The following PRKDC variants were observed in gnomAD, a reference collection of about 807,000 sequenced individuals.
The protein encoded by PRKDC is DNA-dependent protein kinase catalytic subunit.
In PRKDC, 82 loss-of-function variants were observed where a neutral mutation model predicts 486.9. That is an observed-to-expected ratio of 0.17 (90% CI 0.14 to 0.20). The LOEUF is 0.20. PRKDC is among the 10% of genes least tolerant of loss of function. The probability of loss-of-function intolerance (pLI) is 1.00; values close to 1 mark genes in which losing one functional copy is unlikely to be tolerated. For missense variants in PRKDC, 4,504 were observed against 5,038.2 expected (o/e 0.89, Z 3.21); for synonymous variants, 1,895 against 1,837.0 (o/e 1.03, Z -0.81).
chr8:47,807,290 G>A lies in PRKDC; in HGVS notation c.9594C>T (p.Thr3198=). The A allele has an allele frequency of 6.3e-7, 1 of 1,599,238 alleles. No homozygotes were observed. Among genetic ancestry groups the A allele is most frequent in the Non-Finnish European group, 8.5e-7 (1 of 1,171,638 alleles). Reference sequence around the variant, plus strand: ...TCATACTATTATCTTCTGGAAGAGGGGTAAGCTTCTCCTCTATTTTGCTGA... The same window carrying A: ...TCATACTATTATCTTCTGGAAGAGGAGTAAGCTTCTCCTCTATTTTGCTGA... ...FFLSKIEEKL[T]PLPEDNSMNV... Residue 3198 remains threonine, a synonymous_variant, in exon 69 of 86, where the codon ACC becomes ACT. Coordinates refer to ENST00000314191, the MANE Select transcript of PRKDC (RefSeq NM_006904.7).
In PRKDC at chr8:47,907,102, G is replaced by A. The variant is rs549294059; in HGVS notation, c.2935-2126C>T. Among the ~76,000 whole-genome samples the A allele has an allele frequency of 3.2e-4, 49 of 150,836 alleles. No individual in the cohort carries two copies. The South Asian group carries it at 9.6e-3, about 30-fold the overall frequency. On this transcript the variant is annotated intron_variant, in intron 25 of 85. Transcript: ENST00000314191. ...CGCCCAGGCTGGAGTGCAGTGGCGC[G>A]CAGTCTCTGCTCACTGCAAGCTCCG...
At chr8:47,861,114 C>A in intron 44 of PRKDC, 143 bp from the exon 45 acceptor site, 1 of 616,038 alleles carries the variant, frequency 1.6e-6, no homozygotes. Flanking sequence ...AAAATAACCT[C>A]AAAAAGAGAC....
chr8:47,931,842 C>T (rs1351282885), intron 16 of PRKDC, among the ~76,000 whole-genome samples: 1 of 152,184 alleles, frequency 6.6e-6, no homozygotes, highest in Non-Finnish European at 1.5e-5. Context: ...GTCCAGTTAC[C>T]ACCAATGCCT....
chr8:47,793,412 C>CT (rs1269394715), intron 74 of PRKDC, among the ~76,000 whole-genome samples: 10 of 151,848 alleles, frequency 6.6e-5, no homozygotes, highest in African/African-American at 2.4e-4. Context: ...GGCGGATCAC[C>CT]TGAGGTCACC....
intron 74 of PRKDC, among the ~76,000 whole-genome samples, chr8:47,793,446 C>T (rs937286388): frequency 6.6e-6 from 1 of 151,626 alleles, no homozygotes; most frequent in South Asian, 2.1e-4. Context: ...TCGAGACCAG[C>T]CTGGCCAAGG....
At chr8:47,950,142 C>CA (rs1396648393) in intron 7 of PRKDC, among the ~76,000 whole-genome samples, 1 of 151,964 alleles carries the variant, frequency 6.6e-6, no homozygotes, top group Non-Finnish European at 1.5e-5. Context: ...CATGGTGGCA[C>CA]ACGCCTGTAA....
rs970459273 is a variant in PRKDC at position 47,959,955 on chromosome 8, G to C, written c.154+18C>G. ...GAAGCCAGGACCCACCCGCGGCCCA[G>C]CTCGGGCCGGTACCCACCCAGCACC... On this transcript the variant is annotated intron_variant, in intron 1 of 85. Transcript: ENST00000314191. The C allele has an allele frequency of 2.3e-5, 34 of 1,484,312 alleles. No homozygotes were observed. The highest frequency in any genetic ancestry group is 4.1e-5 in the Admixed American group (2 of 49,348). 91.9% of individuals were successfully genotyped at this position (1,484,312 alleles called of 1,614,324 possible).
Position 47,888,614 on chromosome 8 carries a change from A to C in PRKDC, c.4317T>G (p.Pro1439=). 5 of 1,593,618 alleles carry C rather than the reference A, an allele frequency of 3.1e-6. No homozygotes were observed. The highest frequency in any genetic ancestry group is 4.3e-6 in the Non-Finnish European group (5 of 1,170,340). ...GCCTGCTCCTGTCCACTTGCGCGTC[A>C]GGGCCATACAAGTTGACGGCACAAA... The part of the protein sequence containing the change: ...EELCAVNLYG[P]DAQVDRSRLA... Residue 1439 remains proline (P), a synonymous_variant, in exon 34 of 86, where the codon CCT becomes CCG. Transcript: ENST00000314191.
chr8:47,910,035 T>C (rs761681157), intron 25 of PRKDC, among the ~76,000 whole-genome samples: 2 of 152,160 alleles, frequency 1.3e-5, no homozygotes, highest in Non-Finnish European at 2.9e-5. Flanking sequence ...TCTTTTAAAA[T>C]CCCTAATAAA....
chr8:47,793,029 G>A (rs986643354), intron 74 of PRKDC, among the ~76,000 whole-genome samples: 2 of 152,056 alleles, frequency 1.3e-5, no homozygotes, highest in Admixed American at 6.6e-5. Context: ...GTACAGTCAC[G>A]CACCACCATG....
chr8:47,831,513 G>C (rs551989175), intron 60 of PRKDC, among the ~76,000 whole-genome samples: 2 of 152,130 alleles, frequency 1.3e-5, no homozygotes, highest in African/African-American at 2.4e-5. Context: ...TCCCTGAAGC[G>C]AGGGCCAGTG....
At chr8:47,788,832 T>C (rs749017199) in intron 76 of PRKDC, 74 bp downstream of exon 76, 54 of 1,310,118 alleles carry the variant, frequency 4.1e-5, no homozygotes, top group Non-Finnish European at 5.0e-5. Flanking sequence ...ACAAATATTA[T>C]TACATTTAAT....
chr8:47,889,058 T>C lies in PRKDC; in HGVS notation c.4236A>G (p.Lys1412=), dbSNP rs747203398. Residue 1412 remains lysine, a synonymous_variant, in exon 33 of 86, where the codon AAA becomes AAG. Coordinates refer to ENST00000314191, the MANE Select transcript of PRKDC (RefSeq NM_006904.7). ...LMKALKMSPY[K]DILETHLREK... is the part of the protein sequence containing the mutation. The stretch of plus-strand genomic sequence containing the variant: ...CTCTCAGATGGGTCTCTAGGATATC[T>C]TTGTATGGGGACATCTTTAGAGCTT... 12 of 1,613,866 alleles carry C rather than the reference T, an allele frequency of 7.4e-6. No individual in the cohort carries two copies. The highest frequency in any genetic ancestry group is 1.3e-5 in the African/African-American group (1 of 74,926).
chr8:47,798,454 T>G (rs2087026186), intron 72 of PRKDC, 57 bp from the exon 73 acceptor site: 2 of 1,472,040 alleles, frequency 1.4e-6, no homozygotes, highest in South Asian at 1.5e-5. Context: ...ATCCATAAAC[T>G]ATGATGTTAA....
intron 11 of PRKDC, among the ~76,000 whole-genome samples, chr8:47,938,613 G>A (rs2090392264): frequency 6.6e-6 from 1 of 152,010 alleles, no homozygotes; most frequent in South Asian, 2.1e-4. Flanking sequence ...CCAGATTGGA[G>A]TGCAGTGGCT....
intron 58 of PRKDC, among the ~76,000 whole-genome samples, chr8:47,835,910 C>T (rs1485691361): frequency 2.6e-5 from 4 of 152,008 alleles, no homozygotes; most frequent in Non-Finnish European, 5.9e-5. Flanking sequence ...TAACTACAGG[C>T]GTGCGCCACC....
At chr8:47,953,575 C>G in intron 7 of PRKDC, 45 bp downstream of exon 7, 1 of 1,513,220 alleles carries the variant, frequency 6.6e-7, no homozygotes, top group Non-Finnish European at 9.1e-7. Context: ...GCTGGTTAGA[C>G]TTACAGTTTT....
intron 21 of PRKDC, among the ~76,000 whole-genome samples, chr8:47,920,733 G>A (rs1467772224): frequency 6.6e-6 from 1 of 152,040 alleles, no homozygotes; most frequent in African/African-American, 2.4e-5. Flanking sequence ...TATTCTACTT[G>A]TGTTTGTTTT....
intron 63 of PRKDC, among the ~76,000 whole-genome samples, chr8:47,825,581 A>G (rs991199403): frequency 3.3e-5 from 5 of 152,092 alleles, no homozygotes; most frequent in African/African-American, 4.8e-5. Flanking sequence ...AAATATCACA[A>G]AAGTATGAGA....
Sources: allele counts gnomAD v4.1 joint callset (sites outside exome capture counted in the v4.1 genomes callset), GRCh38; gene constraint gnomAD v4.1.1; transcripts MANE v1.5; gene names NCBI Gene and HGNC (gene_info 2026-07-23, HGNC 2026-07-21).